Variants in KCNIP4 observed in about 807,000 individuals in gnomAD.
The protein encoded by KCNIP4 is Kv channel-interacting protein 4.
Under a neutral mutation model 34.0 loss-of-function variants are expected in KCNIP4, and 12 were observed. That is an observed-to-expected ratio of 0.35 (90% confidence interval 0.23 to 0.57). The LOEUF (loss-of-function observed/expected upper bound fraction) is 0.57. Ranked by LOEUF, KCNIP4 falls within the 20% of genes least tolerant of loss-of-function variation. KCNIP4 has a pLI of 0.83. For synonymous variants in KCNIP4, 124 were observed against 102.2 expected (o/e 1.21, Z -1.29); for missense variants, 238 against 311.7 (o/e 0.76, Z 1.78).
intron 1 of KCNIP4, among the ~76,000 whole-genome samples, chr4:21,250,121 T>TTTC (rs201836274): frequency 2.4e-5 from 2 of 83,474 alleles, no homozygotes; most frequent in African/African-American, 4.1e-4. Flanking sequence ...CATTTCTTTC[T>TTTC]TTTTTTTTTT....
At chr4:21,267,231 G>A (rs992491374) in intron 1 of KCNIP4, among the ~76,000 whole-genome samples, 1 of 152,060 alleles carries the variant, frequency 6.6e-6, no homozygotes, top group Non-Finnish European at 1.5e-5. Flanking sequence ...ACTGTTTAAT[G>A]TGTATTTTAA....
At chr4:21,598,201 T>C (rs915947253) in intron 1 of KCNIP4, among the ~76,000 whole-genome samples, 3 of 152,154 alleles carry the variant, frequency 2.0e-5, no homozygotes, top group African/African-American at 7.2e-5. Context: ...TTTTGTAAGA[T>C]TGATTTTATA....
chr4:20,864,636 G>C (rs1338121569), intron 2 of KCNIP4, among the ~76,000 whole-genome samples: 1 of 151,922 alleles, frequency 6.6e-6, no homozygotes, highest in Non-Finnish European at 1.5e-5. Context: ...CACTTATCTA[G>C]AATTCATGCA....
At chr4:20,997,206 C>T (rs538381769) in intron 1 of KCNIP4, among the ~76,000 whole-genome samples, 2 of 152,238 alleles carry the variant, frequency 1.3e-5, no homozygotes, top group Admixed American at 6.5e-5. Flanking sequence ...CAAATAAAAG[C>T]AACCACAACC....
Position 21,087,495 on chromosome 4 carries a change from C to T in KCNIP4, c.62-204786G>A, listed in dbSNP as rs115365281. On this transcript the variant is annotated intron_variant, in intron 1 of 8. Coordinates refer to ENST00000382152, the MANE Select transcript of KCNIP4 (RefSeq NM_025221.6). ...TAGACATGGGGTTTCATCATGTTGG[C>T]CCAGTTGGTCTGGAACTCCTGACCT... 7.7e-3 allele frequency among the ~76,000 whole-genome samples: 1,175 copies of T among 152,096 alleles called. 23 individuals carry two copies. Among genetic ancestry groups the T allele is most frequent in the African/African-American group, 0.027 (1,118 of 41,478 alleles).
chr4:20,963,333 C>CAA (rs33923102), intron 1 of KCNIP4, among the ~76,000 whole-genome samples: 2 of 147,850 alleles, frequency 1.4e-5, no homozygotes, highest in Admixed American at 6.7e-5. Flanking sequence ...TCTCAAAAAA[C>CAA]AAAAAAAAAA....
chr4:21,812,892 G>A (rs1416478824), intron 1 of KCNIP4, among the ~76,000 whole-genome samples: 2 of 152,126 alleles, frequency 1.3e-5, no homozygotes, highest in Non-Finnish European at 2.9e-5. Flanking sequence ...TGTAGTGCTT[G>A]GGATATAGGA....
intron 1 of KCNIP4, among the ~76,000 whole-genome samples, chr4:21,277,790 C>T (rs903679347): frequency 2.0e-5 from 3 of 152,012 alleles, no homozygotes; most frequent in Non-Finnish European, 4.4e-5. Context: ...AGCATTAGGC[C>T]GTCAGATTCA....
At chr4:21,789,133 G>A (rs1375800143) in intron 1 of KCNIP4, among the ~76,000 whole-genome samples, 5 of 146,052 alleles carry the variant, frequency 3.4e-5, no homozygotes, top group Non-Finnish European at 7.5e-5. Flanking sequence ...TTTGCCTCAA[G>A]CCACACAGCT....
chr4:21,098,314 A>G (rs1446244452), intron 1 of KCNIP4, among the ~76,000 whole-genome samples: 1 of 152,216 alleles, frequency 6.6e-6, no homozygotes, highest in African/African-American at 2.4e-5. Flanking sequence ...ATAGATTTTC[A>G]AGGTAGACCA....
At chr4:21,884,603 A>C (rs1726653971) in intron 1 of KCNIP4, among the ~76,000 whole-genome samples, 1 of 152,132 alleles carries the variant, frequency 6.6e-6, no homozygotes, top group Non-Finnish European at 1.5e-5. Flanking sequence ...AGTAAGCAGA[A>C]AGAAAAAGAG....
chr4:21,240,534 A>T (rs1410462454), intron 1 of KCNIP4, among the ~76,000 whole-genome samples: 1 of 152,246 alleles, frequency 6.6e-6, no homozygotes, highest in South Asian at 2.1e-4. Flanking sequence ...ACTCAGGCAA[A>T]TAATTTTTTC....
At chr4:21,584,980 G>A (rs1028691210) in intron 1 of KCNIP4, among the ~76,000 whole-genome samples, 7 of 152,104 alleles carry the variant, frequency 4.6e-5, no homozygotes, top group African/African-American at 1.4e-4. Context: ...CTGAGGTGGA[G>A]AAAGCAAGTG....
chr4:21,310,949 A>T (rs1048161148), intron 1 of KCNIP4, among the ~76,000 whole-genome samples: 2 of 152,130 alleles, frequency 1.3e-5, no homozygotes, highest in Non-Finnish European at 2.9e-5. Flanking sequence ...TTTCAATAAT[A>T]ATGTGAAAAG....
intron 1 of KCNIP4, among the ~76,000 whole-genome samples, chr4:21,794,082 C>T (rs7656218): frequency 1 from 151,772 of 152,238 alleles, 75,654 homozygotes; most frequent in Middle Eastern, 1. Context: ...ATGAGAACAC[C>T]TGGACACAGG....
At chr4:21,697,509 A>G in intron 1 of KCNIP4, 1 of 1,491,146 alleles carries the variant, frequency 6.7e-7, no homozygotes, top group Non-Finnish European at 8.8e-7. Flanking sequence ...AATAATAAAA[A>G]GAGAGTCTCT....
intron 1 of KCNIP4, among the ~76,000 whole-genome samples, chr4:21,105,500 G>C (rs1182049714): frequency 6.6e-6 from 1 of 151,632 alleles, no homozygotes; most frequent in Non-Finnish European, 1.5e-5. Flanking sequence ...TTTGGGCTGA[G>C]ACAATGGGGT....
intron 3 of KCNIP4, among the ~76,000 whole-genome samples, chr4:20,806,940 A>G (rs971680024): frequency 3.9e-5 from 6 of 152,166 alleles, no homozygotes; most frequent in African/African-American, 1.4e-4. Flanking sequence ...ATATCCAACT[A>G]GTAACATTCA....
At chr4:20,898,168 A>G (rs1048900217) in intron 1 of KCNIP4, among the ~76,000 whole-genome samples, 12 of 152,166 alleles carry the variant, frequency 7.9e-5, no homozygotes, top group African/African-American at 2.4e-4. Context: ...CAGAACTTAC[A>G]TCAGTGCCCC....
Sources: allele counts gnomAD v4.1 joint callset (sites outside exome capture counted in the v4.1 genomes callset), GRCh38; gene constraint gnomAD v4.1.1; transcripts MANE v1.5; gene names NCBI Gene and HGNC (gene_info 2026-07-23, HGNC 2026-07-21).